Variants in PNPLA5 observed in about 807,000 individuals in gnomAD.
The protein encoded by PNPLA5 is patatin-like phospholipase domain-containing protein 5.
Under a neutral mutation model 49.1 loss-of-function variants are expected in PNPLA5, and 44 were observed. The observed-to-expected ratio is 0.90, with a 90% CI of 0.70 to 1.15. The LOEUF (loss-of-function observed/expected upper bound fraction) is 1.15. Ranked by LOEUF, PNPLA5 falls within the 50% of genes most tolerant of loss-of-function variation. The pLI, the probability that PNPLA5 is intolerant of heterozygous loss-of-function variation, is 0.00. For synonymous variants in PNPLA5, 243 were observed against 244.4 expected, an observed-to-expected ratio of 0.99 and a Z score of 0.06; for missense variants, 603 against 564.0, an observed-to-expected ratio of 1.07 and a Z score of -0.70.
chr22:43,890,971 A>C (rs2049716193), intron 2 of PNPLA5, 91 bp downstream of exon 2: 13 of 1,482,776 alleles, frequency 8.8e-6, no homozygotes, highest in African/African-American at 2.8e-5. Context: ...CCGCCCCTGC[A>C]GAAACGTCTG....
chr22:43,884,618 G>C (rs1274905695), intron 6 of PNPLA5, among the ~76,000 whole-genome samples: 1 of 152,184 alleles, frequency 6.6e-6, no homozygotes, highest in Non-Finnish European at 1.5e-5. Flanking sequence ...AAGTGGCAGG[G>C]CCAGGATGGA....
intron 2 of PNPLA5, chr22:43,890,133 C>G: frequency 1.0e-6 from 1 of 962,866 alleles, no homozygotes; most frequent in South Asian, 4.8e-5. Context: ...GCCGGGGACC[C>G]CAAAGAGTGG....
Position 43,886,406 on chromosome 22 carries a change from A to G in PNPLA5, c.846T>C (p.Cys282=). ...APADGNWDAG[C]DQRWKGGLSL... ...ACAGGCCCCCCTTCCAGCGTTGGTC[A>G]CAGCCAGCATCCCAGTTTCCGTCAG... The change falls in exon 6 of 9, where the codon TGT becomes TGC. Residue 282 remains cysteine (C), a synonymous_variant. Coordinates refer to ENST00000216177, the MANE Select transcript of PNPLA5 (RefSeq NM_138814.4). 1 of 1,614,166 alleles carries G rather than the reference A, an allele frequency of 6.2e-7. No individual in the cohort carries two copies. The highest frequency in any genetic ancestry group is 8.5e-7 in the Non-Finnish European group (1 of 1,180,030).
intron 7 of PNPLA5, among the ~76,000 whole-genome samples, chr22:43,882,355 G>A (rs2049619121): frequency 1.3e-5 from 2 of 152,204 alleles, no homozygotes; most frequent in South Asian, 4.1e-4. Flanking sequence ...CAGCCCTGTG[G>A]GGCCAGGCCT....
intron 8 of PNPLA5, 37 bp downstream of exon 8, chr22:43,881,521 C>G: frequency 1.3e-6 from 2 of 1,537,884 alleles, no homozygotes; most frequent in Non-Finnish European, 1.8e-6. Flanking sequence ...CCCAGCACAG[C>G]CACCCCCTCT....
intron 7 of PNPLA5, 51 bp downstream of exon 7, chr22:43,884,162 C>G: frequency 1.4e-6 from 2 of 1,459,296 alleles, no homozygotes; most frequent in Non-Finnish European, 1.8e-6. Context: ...CCATGGGCAC[C>G]AGTCTCCGCC....
chr22:43,889,667 C>T lies in PNPLA5; in HGVS notation c.493-129G>A. 10 of 1,517,158 alleles carry T rather than the reference C, an allele frequency of 6.6e-6. No homozygotes were observed. The South Asian group carries it at 1.3e-4, about 20-fold the overall frequency. The allele number at this position is 1,517,158 out of a possible 1,614,324, so 94.0% of individuals were successfully genotyped here. On this transcript the variant is annotated intron_variant, in intron 3 of 8. Transcript: ENST00000216177. ...CTCCAGCCCAGGAGGCTGAACGCCC[C>T]CCAGGAGCAGGGGGAGGGCCTGGCA...
chr22:43,885,562 C>T (rs1429889492), intron 6 of PNPLA5, among the ~76,000 whole-genome samples: 2 of 152,122 alleles, frequency 1.3e-5, no homozygotes, highest in Non-Finnish European at 2.9e-5. Context: ...GACCTTTGCA[C>T]GTGCCATGCC....
chr22:43,883,873 G>T (rs2049634740), intron 7 of PNPLA5, among the ~76,000 whole-genome samples: 1 of 152,024 alleles, frequency 6.6e-6, no homozygotes, highest in African/African-American at 2.4e-5. Flanking sequence ...GCCCAGAGAG[G>T]TCAAGAGACT....
At chr22:43,887,070 A>AACACACACAC (rs147288997) in intron 5 of PNPLA5, among the ~76,000 whole-genome samples, 9 of 149,484 alleles carry the variant, frequency 6.0e-5, no homozygotes, top group African/African-American at 2.0e-4. Flanking sequence ...CTGCCCCATG[A>AACACACACAC]ACACACACAC....
intron 1 of PNPLA5, 150 bp downstream of exon 1, chr22:43,891,538 C>G: frequency 7.9e-7 from 1 of 1,262,996 alleles, no homozygotes; most frequent in Non-Finnish European, 1.1e-6. Flanking sequence ...GTCACCTAGT[C>G]CCCAGCACTC....
chr22:43,882,816 T>C (rs985021190), intron 7 of PNPLA5, among the ~76,000 whole-genome samples: 1 of 152,202 alleles, frequency 6.6e-6, no homozygotes, highest in Non-Finnish European at 1.5e-5. Context: ...AACTCAACAT[T>C]GAGCAGGACA....
At chr22:43,886,170 G>T in intron 6 of PNPLA5, 133 bp downstream of exon 6, 1 of 965,072 alleles carries the variant, frequency 1.0e-6, no homozygotes, top group Non-Finnish European at 1.5e-6. Context: ...TACCACACTT[G>T]GCATTTAGTA....
At position 43,880,714 on chromosome 22, in the gene PNPLA5, G is replaced by T; in HGVS notation, c.*81C>A. On this transcript the variant is annotated 3_prime_UTR_variant, in exon 9 of 9. Coordinates refer to ENST00000216177, the MANE Select transcript of PNPLA5 (RefSeq NM_138814.4). ...AGATTGGCAGGGCCTCTTCCCGCTG[G>T]GGCAGATGTGGGCACACAGGACAAA... 8.3e-7 allele frequency: 1 copy of T among 1,204,858 alleles called. No individual in the cohort carries two copies. Among genetic ancestry groups the T allele is most frequent in the South Asian group, 3.7e-5 (1 of 27,272 alleles). The allele number at this position is 1,204,858 out of a possible 1,614,324, so 74.6% of individuals were successfully genotyped here. A position where few individuals can be genotyped will look rare whatever the true frequency, so the allele number is the denominator to read the frequency against.
intron 7 of PNPLA5, among the ~76,000 whole-genome samples, chr22:43,883,735 T>C (rs1761822982): frequency 1.3e-5 from 2 of 150,664 alleles, no homozygotes; most frequent in South Asian, 4.2e-4. Flanking sequence ...CGCTTGAACC[T>C]GGGAGGCAGA....
chr22:43,889,981 C>G, intron 2 of PNPLA5, 117 bp from the exon 3 acceptor site: 1 of 1,484,712 alleles, frequency 6.7e-7, no homozygotes, highest in Non-Finnish European at 9.0e-7. Context: ...AGTCCCACGT[C>G]CAGATGAGGG....
At chr22:43,883,952 T>A (rs886788200) in intron 7 of PNPLA5, among the ~76,000 whole-genome samples, 1 of 152,254 alleles carries the variant, frequency 6.6e-6, no homozygotes, top group South Asian at 2.1e-4. Context: ...ACGGAGACAG[T>A]GTAGGGCCCA....
rs148896213 is a variant in PNPLA5, at chr22:43,884,304, G to C, written c.991C>G (p.Arg331Gly). The C allele has an allele frequency of 1.1e-3, 1,834 of 1,599,078 alleles. 6 individuals carry two copies. In the Middle Eastern group the frequency reaches 0.031, roughly 27 times the overall value. The change falls in exon 7 of 9, where the codon CGC becomes GGC. Residue 331 changes from arginine (R) to glycine (G), a missense_variant. By Grantham distance (125) the Arg-to-Gly change is moderately radical (BLOSUM62 -2). Coordinates refer to ENST00000216177, the MANE Select transcript of PNPLA5 (RefSeq NM_138814.4). ...TGTCCAGGCCCCGAGTGCCAGAAGC[G>C]GGCCCACCGGCTGGGATCCCTCGTA... Reference protein sequence around the residue: ...ACTRDPSRWARFWHSGPGQVL... With the variant: ...ACTRDPSRWAGFWHSGPGQVL...
At chr22:43,881,788 C>T (rs2049461703) in intron 7 of PNPLA5, 114 bp from the exon 8 acceptor site, 1 of 1,475,318 alleles carries the variant, frequency 6.8e-7, no homozygotes, top group Non-Finnish European at 9.0e-7. Context: ...TGAGGGCTGC[C>T]CAGGTTAGGG....
Sources: gnomAD v4.1 joint callset for allele counts (sites outside exome capture counted in the v4.1 genomes callset) on GRCh38, gnomAD v4.1.1 for gene constraint, MANE v1.5 for transcripts, NCBI Gene and HGNC (gene_info 2026-07-23, HGNC 2026-07-21) for gene names.